PRR16: variants seen among roughly 807,000 people sequenced by gnomAD.
PRR16 encodes proline rich 16.
A neutral mutation model predicts 18.2 loss-of-function variants in PRR16; 6 were observed. The observed-to-expected ratio is 0.33, with a 90% CI of 0.18 to 0.65. The LOEUF is 0.65. Among genes scored for constraint, PRR16 ranks in the 30% least tolerant of loss-of-function variants. The pLI is 0.74. For missense variants in PRR16, 412 were observed against 376.6 expected, an observed-to-expected ratio of 1.09 and a Z score of -0.78; for synonymous variants, 151 against 147.8, an observed-to-expected ratio of 1.02 and a Z score of -0.16.
In PRR16 at chr5:120,496,366, A is replaced by G. The variant is rs560689442; in HGVS notation, c.159+31721A>G. Reference sequence around the variant, plus strand: ...TTTCTTACTTAGGGATTTAAAAATTATTAATTCAATTTCCATAATGGTTAT... The same window carrying G: ...TTTCTTACTTAGGGATTTAAAAATTGTTAATTCAATTTCCATAATGGTTAT... On this transcript the variant is annotated intron_variant, in intron 1 of 1. Coordinates refer to ENST00000407149, the MANE Select transcript of PRR16 (RefSeq NM_001300783.2). 2.6e-5 allele frequency among the ~76,000 whole-genome samples: 4 copies of G among 152,242 alleles called. No homozygotes were observed. In the South Asian group the frequency reaches 6.2e-4, roughly 24 times the overall value.
chr5:120,654,403 A>C (rs1755897014), intron 1 of PRR16, among the ~76,000 whole-genome samples: 1 of 152,074 alleles, frequency 6.6e-6, no homozygotes, highest in Non-Finnish European at 1.5e-5. Context: ...CTAGGAGAAG[A>C]CAAAATTTAA....
intron 1 of PRR16, among the ~76,000 whole-genome samples, chr5:120,493,706 A>C (rs1321948177): frequency 6.6e-6 from 1 of 152,164 alleles, no homozygotes; most frequent in Non-Finnish European, 1.5e-5. Context: ...TAGACTTCCT[A>C]GCCCCGGACA....
chr5:120,474,705 AT>A (rs1224748784), intron 1 of PRR16, among the ~76,000 whole-genome samples: 65 of 151,144 alleles, frequency 4.3e-4, no homozygotes, highest in African/African-American at 1.5e-3. Context: ...CACCACTTCC[AT>A]TTTTTTGCTT....
chr5:120,657,234 C>A (rs1404490776), intron 1 of PRR16, among the ~76,000 whole-genome samples: 1 of 151,872 alleles, frequency 6.6e-6, no homozygotes, highest in Non-Finnish European at 1.5e-5. Context: ...TGCCTCTTGC[C>A]AGCCCAGGTT....
chr5:120,786,444 G>T, the PRR16 span, among the ~76,000 whole-genome samples: 11 of 150,750 alleles, frequency 7.3e-5, no homozygotes, highest in African/African-American at 2.7e-4. Context: ...ACATGATTTT[G>T]GTCTCTTAAC....
At chr5:120,614,114 T>A (rs1754425941) in intron 1 of PRR16, among the ~76,000 whole-genome samples, 1 of 152,224 alleles carries the variant, frequency 6.6e-6, no homozygotes. Context: ...TACAGATACA[T>A]GTTTTTCTTC....
chr5:120,709,304 G>A, the PRR16 span, among the ~76,000 whole-genome samples: 3 of 151,910 alleles, frequency 2.0e-5, no homozygotes, highest in Admixed American at 2.0e-4. Flanking sequence ...ACCGCACCCG[G>A]CCGCAATTAA....
At chr5:120,587,983 GT>G (rs1753504173) in intron 1 of PRR16, among the ~76,000 whole-genome samples, 1 of 152,200 alleles carries the variant, frequency 6.6e-6, no homozygotes, top group Non-Finnish European at 1.5e-5. Flanking sequence ...ATTAACTGGA[GT>G]TTGGAAGAAG....
chr5:120,529,547 A>C (rs1340442139), intron 1 of PRR16, among the ~76,000 whole-genome samples: 1 of 152,174 alleles, frequency 6.6e-6, no homozygotes, highest in African/African-American at 2.4e-5. Context: ...GGTGATATTT[A>C]TCTATTTGAA....
At chr5:120,780,523 C>G in the PRR16 span, among the ~76,000 whole-genome samples, 1 of 152,044 alleles carries the variant, frequency 6.6e-6, no homozygotes, top group African/African-American at 2.4e-5. Flanking sequence ...CGTTTTACAT[C>G]ATTTACTCCT....
chr5:120,559,300 T>G (rs1415836299), intron 1 of PRR16, among the ~76,000 whole-genome samples: 1 of 152,014 alleles, frequency 6.6e-6, no homozygotes, highest in East Asian at 1.9e-4. Flanking sequence ...TTGTCTTTAA[T>G]CCATTTTGAT....
At chr5:120,617,241 C>A in intron 1 of PRR16, 1 of 857,274 alleles carries the variant, frequency 1.2e-6, no homozygotes, top group Non-Finnish European at 1.4e-6. Context: ...ACAGCACATA[C>A]CAACATTTCT....
the PRR16 span, among the ~76,000 whole-genome samples, chr5:120,755,748 G>A: frequency 1.3e-5 from 2 of 152,072 alleles, no homozygotes; most frequent in African/African-American, 4.8e-5. Flanking sequence ...TACATACCCA[G>A]TAATAGTGTT....
the PRR16 span, among the ~76,000 whole-genome samples, chr5:120,787,613 G>C: frequency 2.0e-5 from 3 of 152,058 alleles, no homozygotes; most frequent in Non-Finnish European, 4.4e-5. Flanking sequence ...TGAATGCATG[G>C]TAATTGAATA....
At chr5:120,586,698 T>C (rs1753455561) in intron 1 of PRR16, among the ~76,000 whole-genome samples, 1 of 152,174 alleles carries the variant, frequency 6.6e-6, no homozygotes, top group African/African-American at 2.4e-5. Context: ...ACTACTACAC[T>C]CATTGGCCAT....
the PRR16 span, among the ~76,000 whole-genome samples, chr5:120,706,624 A>C: frequency 6.6e-6 from 1 of 152,240 alleles, no homozygotes; most frequent in Non-Finnish European, 1.5e-5. Context: ...AGAAAAAGTA[A>C]CATTTACTAA....
chr5:120,733,528 C>A, the PRR16 span, among the ~76,000 whole-genome samples: 1 of 152,100 alleles, frequency 6.6e-6, no homozygotes, highest in African/African-American at 2.4e-5. Flanking sequence ...CCCCAAATCC[C>A]TATTTGTGCA....
At chr5:120,702,421 G>A in the PRR16 span, among the ~76,000 whole-genome samples, 90 of 151,890 alleles carry the variant, frequency 5.9e-4, no homozygotes, top group Non-Finnish European at 1.1e-3. Flanking sequence ...AGGGGTTGAG[G>A]GGTACTTGCC....
chr5:120,693,990 C>T, the PRR16 span, among the ~76,000 whole-genome samples: 1 of 152,170 alleles, frequency 6.6e-6, no homozygotes, highest in African/African-American at 2.4e-5. Context: ...CATTAATTAT[C>T]TTCTATTACC....
Sources: gnomAD v4.1 joint callset for allele counts (sites outside exome capture counted in the v4.1 genomes callset) on GRCh38, gnomAD v4.1.1 for gene constraint, MANE v1.5 for transcripts, NCBI Gene and HGNC (gene_info 2026-07-23, HGNC 2026-07-21) for gene names.